PAICS: variants seen among roughly 807,000 people sequenced by gnomAD.
PAICS encodes bifunctional phosphoribosylaminoimidazole carboxylase/phosphoribosylaminoimidazole succinocarboxamide synthetase.
A neutral mutation model predicts 53.7 loss-of-function variants in PAICS; 33 were observed. The observed-to-expected ratio is 0.61, with a 90% CI of 0.47 to 0.82. The LOEUF (loss-of-function observed/expected upper bound fraction) is 0.82, where lower values mean the gene tolerates loss of function less well. Among genes scored for constraint, PAICS ranks in the 40% least tolerant of loss-of-function variants. PAICS has a pLI of 0.00. For synonymous variants in PAICS, 141 were observed against 167.2 expected (o/e 0.84, Z 1.21); for missense variants, 394 against 494.1 (o/e 0.80, Z 1.92).
At chr4:56,443,745 A>G (rs1578149963) in intron 2 of PAICS, among the ~76,000 whole-genome samples, 1 of 152,330 alleles carries the variant, frequency 6.6e-6, no homozygotes, top group East Asian at 1.9e-4. Flanking sequence ...TAACAAGTAA[A>G]TTAGAGTGAC....
At chr4:56,415,637 C>T in the PAICS span, among the ~76,000 whole-genome samples, 1 of 152,106 alleles carries the variant, frequency 6.6e-6, no homozygotes, top group East Asian at 1.9e-4. Flanking sequence ...AAACTCTAAG[C>T]TATTTGATCA....
At chr4:56,450,499 A>AT in intron 5 of PAICS, 120 bp from the exon 6 acceptor site, 1 of 608,970 alleles carries the variant, frequency 1.6e-6, no homozygotes, top group Non-Finnish European at 2.9e-6. Context: ...GAAAAGATGC[A>AT]TTTTCAGAAG....
the PAICS span, among the ~76,000 whole-genome samples, chr4:56,411,346 AT>A: frequency 6.6e-6 from 1 of 152,240 alleles, no homozygotes; most frequent in African/African-American, 2.4e-5. Flanking sequence ...AAATTTATAA[AT>A]AAAAGCACAT....
intron 6 of PAICS, among the ~76,000 whole-genome samples, chr4:56,451,545 A>G (rs1240694002): frequency 6.6e-6 from 1 of 152,192 alleles, no homozygotes; most frequent in Non-Finnish European, 1.5e-5. Flanking sequence ...TAAAGCTTCC[A>G]TTAAACAAAG....
At chr4:56,428,502 G>A in the PAICS span, among the ~76,000 whole-genome samples, 4 of 152,214 alleles carry the variant, frequency 2.6e-5, no homozygotes, top group East Asian at 7.7e-4. Context: ...TATGAATATA[G>A]CATTTTACAA....
upstream of PAICS, chr4:56,435,548 C>A: frequency 6.2e-7 from 1 of 1,607,534 alleles, no homozygotes; most frequent in East Asian, 2.2e-5. Flanking sequence ...GCTGCCAGCT[C>A]GGCCCGTCGA....
At chr4:56,436,124 G>A, upstream of PAICS, 6 of 1,476,388 alleles carry the variant, frequency 4.1e-6, no homozygotes, top group South Asian at 2.8e-5. Flanking sequence ...TGTTTCGTCC[G>A]ATATCCGCGT....
the PAICS span, chr4:56,422,552 C>A: frequency 6.7e-6 from 1 of 149,654 alleles, no homozygotes; most frequent in Non-Finnish European, 1.5e-5. Flanking sequence ...TTATAAGACA[C>A]TGCTATGGCC....
chr4:56,419,804 G>C, the PAICS span: 1 of 984,918 alleles, frequency 1.0e-6, no homozygotes, highest in Non-Finnish European at 1.2e-6. Context: ...TTGCAGCCAA[G>C]CTTCAGAAAT....
chr4:56,450,013 C>T (rs1012300605), intron 5 of PAICS, among the ~76,000 whole-genome samples: 1 of 151,772 alleles, frequency 6.6e-6, no homozygotes, highest in Admixed American at 6.6e-5. Flanking sequence ...GAGATCATGT[C>T]CTTTGCAGGG....
At chr4:56,418,694 T>C in the PAICS span, among the ~76,000 whole-genome samples, 1 of 152,238 alleles carries the variant, frequency 6.6e-6, no homozygotes, top group Non-Finnish European at 1.5e-5. Context: ...CCAAAGTTAA[T>C]GTGCTTGTAA....
At chr4:56,437,095 T>TCGCG (rs1350451424) in intron 1 of PAICS, among the ~76,000 whole-genome samples, 5 of 147,444 alleles carry the variant, frequency 3.4e-5, no homozygotes, top group Non-Finnish European at 5.9e-5. Context: ...GAAGTAGTCT[T>TCGCG]TGATGCCACG....
At chr4:56,419,228 A>G in the PAICS span, among the ~76,000 whole-genome samples, 1 of 152,242 alleles carries the variant, frequency 6.6e-6, no homozygotes, top group Non-Finnish European at 1.5e-5. Context: ...ATTTCAAAAC[A>G]AATTATCTAC....
upstream of PAICS, chr4:56,435,400 C>T: frequency 6.2e-7 from 1 of 1,613,914 alleles, no homozygotes; most frequent in Non-Finnish European, 8.5e-7. Flanking sequence ...GTACATCCAG[C>T]TGCGTGGGCC....
the PAICS span, chr4:56,422,166 C>G: frequency 6.6e-6 from 1 of 152,004 alleles, no homozygotes; most frequent in Admixed American, 6.6e-5. Context: ...CCCAGCTACT[C>G]GGGAGGCTGA....
chr4:56,432,323 T>C (rs1372961063), upstream of PAICS, among the ~76,000 whole-genome samples: 1 of 151,002 alleles, frequency 6.6e-6, no homozygotes, highest in Non-Finnish European at 1.5e-5. Flanking sequence ...AGGCCAGGAG[T>C]TCAAGACCAG....
chr4:56,450,966 G>C (rs1057331425), intron 6 of PAICS: 9 of 274,900 alleles, frequency 3.3e-5, no homozygotes, highest in Admixed American at 1.5e-4. Flanking sequence ...TACAGGCGCT[G>C]GCCACCACGC....
the PAICS span, chr4:56,411,033 GA>G: frequency 1.6e-6 from 1 of 621,860 alleles, no homozygotes; most frequent in African/African-American, 2.0e-5. Context: ...CAAGACTGTG[GA>G]AAAATAACCA....
At chr4:56,435,578 C>A (rs1717866474), upstream of PAICS, 2 of 1,583,008 alleles carry the variant, frequency 1.3e-6, no homozygotes, top group Admixed American at 1.7e-5. Context: ...CTCGCGCTCG[C>A]GACAGGCTCT....
Sources: gnomAD v4.1 joint callset for allele counts (sites outside exome capture counted in the v4.1 genomes callset) on GRCh38, gnomAD v4.1.1 for gene constraint, MANE v1.5 for transcripts, NCBI Gene and HGNC (gene_info 2026-07-23, HGNC 2026-07-21) for gene names.